The following MMP24 variants were observed in gnomAD, a reference collection of about 807,000 sequenced individuals.
MMP24 encodes the protein matrix metalloproteinase-24.
MMP24 carries 25 observed loss-of-function variants against 62.8 expected under a neutral mutation model. The ratio of observed to expected loss-of-function variants is 0.40; its 90% CI spans 0.29 to 0.56. The LOEUF is 0.56. MMP24 is among the 20% of genes least tolerant of loss of function. MMP24 has a pLI of 0.50. For missense variants in MMP24, 634 were observed against 853.6 expected (o/e 0.74, Z 3.21); for synonymous variants, 319 against 350.5 (o/e 0.91, Z 1.00).
chr20:35,268,888 G>A (rs914258324), intron 6 of MMP24, among the ~76,000 whole-genome samples: 30 of 152,176 alleles, frequency 2.0e-4, no homozygotes, highest in Admixed American at 1.2e-3. Flanking sequence ...TTAGCCGGGT[G>A]TGGTGGCGGG....
In MMP24 at chr20:35,269,082, CTGCT is replaced by C. The variant is rs2060653350; in HGVS notation, c.1195-675_1195-672del. 6.6e-6 allele frequency among the ~76,000 whole-genome samples: 1 copy of C among 151,604 alleles called. No homozygotes were observed. The highest frequency in any genetic ancestry group is 1.5e-5 in the Non-Finnish European group (1 of 67,920). On this transcript the variant is annotated intron_variant, in intron 6 of 8. Transcript: ENST00000246186. The surrounding 1 kb of genome is among the most constrained non-coding windows in gnomAD (Gnocchi z 4.6). ...CTGGAGGCTACAGGCCTTGCCTAGA[CTGCT>C]TGTGTACCAGCCCAAGACTGAGGCA...
At position 35,269,579 on chromosome 20, in the gene MMP24, T is replaced by A. The variant is rs1257868175; in HGVS notation, c.1195-181T>A. ...CCAGCAGCAAGAGTCAGCAGGAGGCTGAATTGAAGACAGTTACAGGAGCAT... is the reference window on the plus strand; with the variant it reads ...CCAGCAGCAAGAGTCAGCAGGAGGCAGAATTGAAGACAGTTACAGGAGCAT... On this transcript the variant is annotated intron_variant, in intron 6 of 8. Transcript: ENST00000246186. The surrounding 1 kb of genome is among the most constrained non-coding windows in gnomAD (Gnocchi z 4.6). Among the ~76,000 whole-genome samples the A allele has an allele frequency of 6.6e-6, 1 of 152,140 alleles. No individual in the cohort carries two copies. Among genetic ancestry groups the A allele is most frequent in the Non-Finnish European group, 1.5e-5 (1 of 68,036 alleles).
intron 2 of MMP24, among the ~76,000 whole-genome samples, chr20:35,247,269 G>T (rs74461681): frequency 6.6e-6 from 1 of 152,124 alleles, no homozygotes; most frequent in African/African-American, 2.4e-5. Flanking sequence ...TATAGATGGG[G>T]TCTTAAATCC....
intron 1 of MMP24, among the ~76,000 whole-genome samples, chr20:35,233,671 C>T (rs1300001961): frequency 6.6e-6 from 1 of 152,178 alleles, no homozygotes; most frequent in South Asian, 2.1e-4. Context: ...ATCACTTCTT[C>T]CTTTTAGTTT....
intron 1 of MMP24, among the ~76,000 whole-genome samples, chr20:35,234,578 T>C (rs896037354): frequency 2.6e-5 from 4 of 152,134 alleles, no homozygotes; most frequent in Non-Finnish European, 1.5e-5. Context: ...TAGCGCACCA[T>C]GGGGAGGCCA....
chr20:35,270,195 G>A (rs1364133362), intron 7 of MMP24, among the ~76,000 whole-genome samples: 1 of 152,094 alleles, frequency 6.6e-6, no homozygotes, highest in Non-Finnish European at 1.5e-5. Context: ...AACCCAGAGG[G>A]AAGAGGTCAC....
At chr20:35,243,622 A>G (rs1420611681) in intron 1 of MMP24, among the ~76,000 whole-genome samples, 4 of 151,652 alleles carry the variant, frequency 2.6e-5, no homozygotes, top group East Asian at 1.9e-4. Context: ...GGAGGAGGAG[A>G]AGGAGGAGGA....
chr20:35,275,360 C>CT lies in MMP24; in HGVS notation c.*752dup. On this transcript the variant is annotated 3_prime_UTR_variant, in exon 9 of 9. Coordinates refer to ENST00000246186, the MANE Select transcript of MMP24 (RefSeq NM_006690.4). ...GAGGCTTTAGGTGAACTAGAGGTGA[C>CT]TGTCTTGGTGATGAGGCCAGCATAG... is the stretch of plus-strand genomic sequence containing the variant. 6.6e-6 allele frequency: 1 copy of CT among 152,388 alleles called. No homozygotes were observed. The highest frequency in any genetic ancestry group is 6.5e-5 in the Admixed American group (1 of 15,300). 9.4% of individuals were successfully genotyped at this position (152,388 alleles called of 1,614,324 possible). A position where few individuals can be genotyped will look rare whatever the true frequency, so the allele number is the denominator to read the frequency against.
intron 1 of MMP24, among the ~76,000 whole-genome samples, chr20:35,241,682 GCGTAAA>G (rs1423484121): frequency 1.3e-5 from 2 of 152,166 alleles, no homozygotes. Context: ...AAAACGAGCT[GCGTAAA>G]CCAGGTTGCC....
chr20:35,263,777 A>G lies in MMP24; in HGVS notation c.818-14A>G. ...GCAGGTGCCCTGGGCACCTCCCCACACTCCTCTCCACAGGGAACGACCTCT... is the reference window on the plus strand; with the variant it reads ...GCAGGTGCCCTGGGCACCTCCCCACGCTCCTCTCCACAGGGAACGACCTCT... On this transcript the variant is annotated splice_polypyrimidine_tract_variant and intron_variant, in intron 4 of 8. Coordinates refer to ENST00000246186, the MANE Select transcript of MMP24 (RefSeq NM_006690.4). The G allele has an allele frequency of 6.6e-7, 1 of 1,514,666 alleles. No homozygotes were observed. The highest frequency in any genetic ancestry group is 2.5e-5 in the East Asian group (1 of 40,116). The allele number at this position is 1,514,666 out of a possible 1,614,324, so 93.8% of individuals were successfully genotyped here.
In MMP24 at chr20:35,263,964, G is replaced by A. The variant is rs368306938; in HGVS notation, c.979+12G>A. Reference sequence around the variant, plus strand: ...CCAGAAGATCTATGGTGTGTGGCAGGGAGAGGGGGGACTGCTCCTTCCTCG... The same window carrying A: ...CCAGAAGATCTATGGTGTGTGGCAGAGAGAGGGGGGACTGCTCCTTCCTCG... On this transcript the variant is annotated intron_variant, in intron 5 of 8. Transcript: ENST00000246186. 37 of 1,589,392 alleles carry A rather than the reference G, an allele frequency of 2.3e-5. No individual in the cohort carries two copies. The highest frequency in any genetic ancestry group is 3.0e-5 in the Non-Finnish European group (35 of 1,166,150).
intron 1 of MMP24, among the ~76,000 whole-genome samples, chr20:35,244,081 T>G (rs916110675): frequency 6.6e-6 from 1 of 152,240 alleles, no homozygotes; most frequent in African/African-American, 2.4e-5. Flanking sequence ...TAATAACTTA[T>G]TTATAGTTTC....
intron 5 of MMP24, 57 bp from the exon 6 acceptor site, chr20:35,267,147 TG>T: frequency 7.1e-7 from 1 of 1,399,272 alleles, no homozygotes; most frequent in Non-Finnish European, 9.8e-7. Context: ...ATGCTGAGAC[TG>T]GCAATGGGAG....
Position 35,271,451 on chromosome 20 carries a change from C to T in MMP24, c.1334-118C>T, listed in dbSNP as rs2146243194. The T allele has an allele frequency of 7.5e-7, 1 of 1,340,068 alleles. No individual in the cohort carries two copies. The highest frequency in any genetic ancestry group is 2.5e-5 in the East Asian group (1 of 39,840). 83.0% of individuals were successfully genotyped at this position (1,340,068 alleles called of 1,614,324 possible). The stretch of plus-strand genomic sequence containing the variant: ...CTGGCCTCAGGCTTCGTGCCCTTCC[C>T]AACTCTAACTGGGCCAAGGGGCTGA... On this transcript the variant is annotated intron_variant, in intron 7 of 8. Coordinates refer to ENST00000246186, the MANE Select transcript of MMP24 (RefSeq NM_006690.4). The surrounding 1 kb of genome is among the most constrained non-coding windows in gnomAD (Gnocchi z 4.0).
intron 2 of MMP24, 23 bp downstream of exon 2, chr20:35,247,011 T>A (rs1472552566): frequency 6.2e-7 from 1 of 1,613,468 alleles, no homozygotes; most frequent in East Asian, 2.2e-5. Flanking sequence ...TAGGACATTG[T>A]GCCTTTGAAC....
chr20:35,267,886 T>C (rs1441569571), intron 6 of MMP24: 2 of 178,500 alleles, frequency 1.1e-5, no homozygotes, highest in East Asian at 3.5e-4. Flanking sequence ...CAGCCCAGGG[T>C]ATATCTTGTC....
intron 1 of MMP24, among the ~76,000 whole-genome samples, chr20:35,239,201 G>A (rs2060477170): frequency 6.6e-6 from 1 of 151,904 alleles, no homozygotes; most frequent in Non-Finnish European, 1.5e-5. Flanking sequence ...CGCACGCCCG[G>A]CTAATTTTTG....
At chr20:35,259,209 T>TA (rs1314489676) in intron 4 of MMP24, among the ~76,000 whole-genome samples, 1 of 152,054 alleles carries the variant, frequency 6.6e-6, no homozygotes. Context: ...AAATACTTTT[T>TA]AAAAAAATAG....
At chr20:35,237,080 C>G (rs886665837) in intron 1 of MMP24, among the ~76,000 whole-genome samples, 1 of 151,772 alleles carries the variant, frequency 6.6e-6, no homozygotes, top group Non-Finnish European at 1.5e-5. Context: ...AGTATGGGAG[C>G]AGGAATAGAC....
Sources: allele counts gnomAD v4.1 joint callset (sites outside exome capture counted in the v4.1 genomes callset), GRCh38; gene constraint gnomAD v4.1.1; non-coding constraint Gnocchi (gnomAD v3.1); transcripts MANE v1.5; gene names NCBI Gene and HGNC (gene_info 2026-07-23, HGNC 2026-07-21).